Variants in SSX1 observed in about 807,000 individuals in gnomAD.
The protein encoded by SSX1 is SSX family member 1, also known as protein SSX1.
In SSX1, 58 loss-of-function variants were observed where a neutral mutation model predicts 14.6. The observed-to-expected ratio is 3.96, with a 90% CI of 3.21 to 4.93. The LOEUF (loss-of-function observed/expected upper bound fraction) is 4.93. Ranked by LOEUF, SSX1 falls within the 30% of genes most tolerant of loss-of-function variation. The probability of loss-of-function intolerance (pLI) is 0.00; values close to 1 mark genes in which losing one functional copy is unlikely to be tolerated. For synonymous variants in SSX1, 46 were observed against 52.1 expected, an observed-to-expected ratio of 0.88 and a Z score of 0.50; for missense variants, 272 against 143.1, an observed-to-expected ratio of 1.90 and a Z score of -4.60.
At chrX:48,256,455 GTTTTTTTTTTTT>G (rs1190862256) in intron 1 of SSX1, among the ~76,000 whole-genome samples, 1 of 31,158 alleles carries the variant, frequency 3.2e-5, no homozygotes, top group Admixed American at 4.3e-4. Flanking sequence ...TTGTGTGGTT[GTTTTTTTTTTTT>G]TTTTTTTTTT....
intron 4 of SSX1, among the ~76,000 whole-genome samples, chrX:48,259,442 T>C (rs2059596059): frequency 1.1e-5 from 1 of 93,042 alleles, no homozygotes; most frequent in Admixed American, 1.2e-4. Flanking sequence ...CATGTTGTTC[T>C]TGCTAAACAC....
Position 48,263,821 on chromosome X carries a change from A to G in SSX1, c.370A>G (p.Lys124Glu), listed in dbSNP as rs1367942348. The change falls in exon 6 of 8, where the codon AAG becomes GAG. Residue 124 changes from lysine to glutamate, a missense_variant. Physicochemically the swap from Lys to Glu is moderately conservative, Grantham distance 56. Coordinates refer to ENST00000376919, the MANE Select transcript of SSX1 (RefSeq NM_005635.4). The stretch of plus-strand genomic sequence containing the variant: ...GCCAGCAGAGGACGAAAATGATTCG[A>G]AGGGAGTGTCAGAAGCATCTGGCCC... ...KKPAEDENDSKGVSEASGPQN... is the reference protein window; with the variant it reads ...KKPAEDENDSEGVSEASGPQN... 1.7e-6 allele frequency: 2 copies of G among 1,210,054 alleles called. No homozygotes were observed. Among genetic ancestry groups the G allele is most frequent in the African/African-American group, 1.7e-5 (1 of 57,239 alleles).
Position 48,263,866 on chromosome X carries a change from CT to C in SSX1, c.416del (p.Leu139ArgfsTer37). On this transcript the variant is annotated frameshift_variant, in exon 6 of 8. Coordinates refer to ENST00000376919, the MANE Select transcript of SSX1 (RefSeq NM_005635.4). LOFTEE classifies it high-confidence loss of function. ...TGGCCCACAAAACGATGGGAAACAA[CT>C]GCACCCCCCAGGAAAAGCAAATATT... ...ASGPQNDGKQLHPPGKANISE... is the reference protein window; with the variant it reads ...ASGPQNDGKQXHPPGKANISE... The C allele has an allele frequency of 1.7e-6, 2 of 1,211,530 alleles. No homozygotes were observed. The highest frequency in any genetic ancestry group is 2.2e-6 in the Non-Finnish European group (2 of 895,366).
chrX:48,261,155 C>G (rs1437260299), intron 4 of SSX1, among the ~76,000 whole-genome samples: 1 of 112,000 alleles, frequency 8.9e-6, no homozygotes, highest in African/African-American at 3.2e-5. Context: ...TCTGCTCTGA[C>G]AATACAATCA....
intron 5 of SSX1, among the ~76,000 whole-genome samples, chrX:48,263,340 C>T (rs546930702): frequency 8.1e-5 from 9 of 110,664 alleles, no homozygotes; most frequent in South Asian, 7.8e-4. Context: ...TTCATCTCCC[C>T]ACACCATCTT....
At position 48,267,073 on chromosome X, in the gene SSX1, C is replaced by A; in HGVS notation, c.*224C>A. The stretch of plus-strand genomic sequence containing the variant: ...AGTGTGCCATTCTGTTAGATACTAT[C>A]CTTATAATTGATGAGCAAGACATAC... On this transcript the variant is annotated 3_prime_UTR_variant, in exon 8 of 8. Transcript: ENST00000376919. 2.3e-6 allele frequency: 1 copy of A among 438,322 alleles called. No homozygotes were observed. The highest frequency in any genetic ancestry group is 3.2e-5 in the South Asian group (1 of 31,151). 36.1% of individuals were successfully genotyped at this position (438,322 alleles called of 1,213,427 possible).
chrX:48,266,351 T>G lies in SSX1; in HGVS notation c.531T>G (p.Tyr177Ter). The part of the protein sequence containing the change: ...RLRERKQLVI[Y>*]EEISDPEEDD... Reference sequence around the variant, plus strand: ...GTGAGAGAAAGCAGCTGGTGATTTATGAAGAGATCAGTGACCCTGAGGAAG... The same window carrying G: ...GTGAGAGAAAGCAGCTGGTGATTTAGGAAGAGATCAGTGACCCTGAGGAAG... Residue 177 changes from tyrosine to a stop codon, truncating the protein, a stop_gained, in exon 7 of 8, where the codon TAT (tyrosine) becomes TAG (stop). Transcript: ENST00000376919. LOFTEE classifies it high-confidence loss of function. 8.3e-7 allele frequency: 1 copy of G among 1,210,314 alleles called. No homozygotes were observed. The highest frequency in any genetic ancestry group is 1.1e-6 in the Non-Finnish European group (1 of 895,388).
At chrX:48,255,869 A>G (rs1237773652) in intron 1 of SSX1, among the ~76,000 whole-genome samples, 1 of 103,847 alleles carries the variant, frequency 9.6e-6, no homozygotes, top group Non-Finnish European at 1.9e-5. Flanking sequence ...CCCTGGGACT[A>G]CAGAAGTGCA....
chrX:48,261,256 A>G (rs191338684), intron 4 of SSX1, among the ~76,000 whole-genome samples: 247 of 112,107 alleles, frequency 2.2e-3, no homozygotes, highest in African/African-American at 7.6e-3. Flanking sequence ...CACAATCACT[A>G]TAAGAGATCT....
chrX:48,256,762 GA>G lies in SSX1; in HGVS notation c.-20-458del, dbSNP rs2059583492. The stretch of plus-strand genomic sequence containing the variant: ...AAGGTCATTTCTCTTCAACAGAACA[GA>G]ACCCCCCCATCCCTCTGCCTGATCA... On this transcript the variant is annotated intron_variant, in intron 1 of 7. Coordinates refer to ENST00000376919, the MANE Select transcript of SSX1 (RefSeq NM_005635.4). 3.7e-5 allele frequency among the ~76,000 whole-genome samples: 3 copies of G among 80,866 alleles called. No homozygotes were observed. The Admixed American group carries it at 3.9e-4, about 10-fold the overall frequency. 70.2% of individuals were successfully genotyped at this position (80,866 alleles called of 115,157 possible). A position where few individuals can be genotyped will look rare whatever the true frequency, so the allele number is the denominator to read the frequency against.
intron 4 of SSX1, among the ~76,000 whole-genome samples, chrX:48,260,543 G>A (rs1556935324): frequency 9.0e-6 from 1 of 111,604 alleles, no homozygotes; most frequent in African/African-American, 3.3e-5. Context: ...GAAATAAAGG[G>A]TATTCAATTA....
In SSX1 at chrX:48,266,337, C is replaced by T. The variant is rs781856873; in HGVS notation, c.517C>T (p.Gln173Ter). 1.9e-5 allele frequency: 23 copies of T among 1,208,117 alleles called. No homozygotes were observed. The highest frequency in any genetic ancestry group is 2.6e-5 in the Non-Finnish European group (23 of 895,044). ...AWTHRLRERK[Q>*]LVIYEEISDP... ...GACCCACAGACTGCGTGAGAGAAAG[C>T]AGCTGGTGATTTATGAAGAGATCAG... The change falls in exon 7 of 8, where the codon CAG becomes TAG. Residue 173 changes from glutamine (Q) to a stop codon, truncating the protein, a stop_gained. Transcript: ENST00000376919. LOFTEE classifies it high-confidence loss of function.
intron 6 of SSX1, 114 bp from the exon 7 acceptor site, chrX:48,266,173 A>C (rs2059622442): frequency 3.5e-6 from 4 of 1,134,858 alleles, no homozygotes; most frequent in Non-Finnish European, 4.7e-6. Context: ...AAAACTGGAT[A>C]AAGAAGGCCC....
At chrX:48,262,064 A>G (rs2059605894) in intron 5 of SSX1, among the ~76,000 whole-genome samples, 1 of 112,228 alleles carries the variant, frequency 8.9e-6, no homozygotes, top group Admixed American at 9.5e-5. Context: ...TTAATCCATA[A>G]GAAGACCTCT....
At chrX:48,264,891 A>T (rs2059618053) in intron 6 of SSX1, among the ~76,000 whole-genome samples, 1 of 112,668 alleles carries the variant, frequency 8.9e-6, no homozygotes, top group South Asian at 3.6e-4. Context: ...CTTCTGGATA[A>T]CTTGCTGCAG....
Position 48,263,796 on chromosome X carries a change from G to A in SSX1, c.345G>A (p.Lys115=). The A allele has an allele frequency of 8.3e-7, 1 of 1,211,579 alleles. No homozygotes were observed. The highest frequency in any genetic ancestry group is 1.8e-5 in the South Asian group (1 of 56,990). The change falls in exon 6 of 8, where the codon AAG becomes AAA. Residue 115 remains lysine (K), a synonymous_variant. Coordinates refer to ENST00000376919, the MANE Select transcript of SSX1 (RefSeq NM_005635.4). ...HRIIPKIMPK[K]PAEDENDSKG... ...ACATTATAAAGATCATGCCCAAGAA[G>A]CCAGCAGAGGACGAAAATGATTCGA...
chrX:48,256,037 G>A (rs2146607067), intron 1 of SSX1, among the ~76,000 whole-genome samples: 1 of 103,202 alleles, frequency 9.7e-6, no homozygotes, highest in East Asian at 3.2e-4. Context: ...TTTTGTTGTT[G>A]TTGTTCTTTT....
chrX:48,264,689 GA>G (rs1556936130), intron 6 of SSX1, among the ~76,000 whole-genome samples: 1 of 112,134 alleles, frequency 8.9e-6, no homozygotes, highest in African/African-American at 3.2e-5. Context: ...TCCCTTTCAT[GA>G]AAGATTTCTC....
Position 48,257,227 on chromosome X carries a change from ACTGCTCCTGG to A in SSX1, c.-14_-5del, listed in dbSNP as rs1475676621. 1 of 1,208,768 alleles carries A rather than the reference ACTGCTCCTGG, an allele frequency of 8.3e-7. No homozygotes were observed. Among genetic ancestry groups the A allele is most frequent in the East Asian group, 3.0e-5 (1 of 33,741 alleles). ...TCAGGCTGTTTCTCTTGCAGGTGAG[ACTGCTCCTGG>A]TGCCATGAACGGAGACGACACCTTT... is the stretch of plus-strand genomic sequence containing the variant. On this transcript the variant is annotated 5_prime_UTR_variant, in exon 2 of 8. The change creates a new upstream start codon in the 5' untranslated region. Coordinates refer to ENST00000376919, the MANE Select transcript of SSX1 (RefSeq NM_005635.4).
Sources: allele counts gnomAD v4.1 joint callset (sites outside exome capture counted in the v4.1 genomes callset), GRCh38; gene constraint gnomAD v4.1.1; transcripts MANE v1.5; gene names NCBI Gene and HGNC (gene_info 2026-07-23, HGNC 2026-07-21).